JHY: variants seen among roughly 807,000 people sequenced by gnomAD.
The protein encoded by JHY is junctional cadherin complex regulator.
JHY carries 69 observed loss-of-function variants against 78.0 expected under a neutral mutation model. That is an observed-to-expected ratio of 0.88 (90% CI 0.73 to 1.08). The LOEUF (loss-of-function observed/expected upper bound fraction) is 1.08. Ranked by LOEUF, JHY falls within the 50% of genes least tolerant of loss-of-function variation. JHY has a pLI of 0.00. For synonymous variants in JHY, 368 were observed against 342.6 expected, an observed-to-expected ratio of 1.07 and a Z score of -0.82; for missense variants, 944 against 927.8, an observed-to-expected ratio of 1.02 and a Z score of -0.23.
At chr11:122,956,235 A>G (rs1864187566) in intron 6 of JHY, among the ~76,000 whole-genome samples, 1 of 152,222 alleles carries the variant, frequency 6.6e-6, no homozygotes. Context: ...TTGTAATTTC[A>G]GAATTTTAAG....
chr11:122,903,983 A>G lies in JHY; in HGVS notation c.403A>G (p.Lys135Glu). The G allele has an allele frequency of 6.2e-7, 1 of 1,613,828 alleles. No homozygotes were observed. The highest frequency in any genetic ancestry group is 8.5e-7 in the Non-Finnish European group (1 of 1,179,760). ...DLRYDPNWKSKKEEGQLLSVE... is the reference protein window; with the variant it reads ...DLRYDPNWKSEKEEGQLLSVE... The stretch of plus-strand genomic sequence containing the variant: ...CCGCTATGACCCGAACTGGAAGAGT[A>G]AGAAGGAGGAAGGGCAGCTGCTGTC... The change falls in exon 3 of 9, where the codon AAG (lysine) becomes GAG (glutamate). Residue 135 changes from lysine to glutamate, a missense_variant. By Grantham distance (56) the Lys-to-Glu change is moderately conservative. Transcript: ENST00000227349.
chr11:122,955,324 T>C (rs1864166160), intron 6 of JHY, among the ~76,000 whole-genome samples: 1 of 152,148 alleles, frequency 6.6e-6, no homozygotes, highest in South Asian at 2.1e-4. Context: ...TTTCACCATA[T>C]TGGCCAAGCT....
At chr11:122,899,460 A>G (rs1289221719) in intron 2 of JHY, among the ~76,000 whole-genome samples, 3 of 152,238 alleles carry the variant, frequency 2.0e-5, no homozygotes, top group Non-Finnish European at 4.4e-5. Flanking sequence ...GTCTAATGCA[A>G]GAAGCCTTTA....
At chr11:122,922,636 C>T (rs946703062) in intron 3 of JHY, among the ~76,000 whole-genome samples, 22 of 151,908 alleles carry the variant, frequency 1.4e-4, no homozygotes, top group Middle Eastern at 3.4e-3. Flanking sequence ...CGGTGAAACC[C>T]CGTCTCTACT....
At chr11:122,938,626 T>C (rs1249605720) in intron 5 of JHY, among the ~76,000 whole-genome samples, 1 of 152,188 alleles carries the variant, frequency 6.6e-6, no homozygotes, top group Non-Finnish European at 1.5e-5. Context: ...GTTTCTCTTC[T>C]CCTATTTTGC....
At chr11:122,888,202 G>T (rs879512727) in intron 2 of JHY, among the ~76,000 whole-genome samples, 18 of 152,204 alleles carry the variant, frequency 1.2e-4, no homozygotes, top group Admixed American at 1.2e-3. Context: ...AACCTTGATA[G>T]GACTAGGCTG....
chr11:122,903,592 C>T (rs1471532139), intron 2 of JHY, among the ~76,000 whole-genome samples: 1 of 152,162 alleles, frequency 6.6e-6, no homozygotes, highest in Non-Finnish European at 1.5e-5. Context: ...AATCCTCCCA[C>T]CTCAGCCTCC....
At chr11:122,893,826 G>A (rs1340223786) in intron 2 of JHY, among the ~76,000 whole-genome samples, 3 of 152,078 alleles carry the variant, frequency 2.0e-5, no homozygotes, top group Non-Finnish European at 4.4e-5. Context: ...AGAGCTGTTA[G>A]GGCTGTCAAA....
chr11:122,955,099 G>T (rs1864162013), intron 6 of JHY, among the ~76,000 whole-genome samples: 1 of 152,198 alleles, frequency 6.6e-6, no homozygotes, highest in South Asian at 2.1e-4. Flanking sequence ...GAAGTAGCGA[G>T]TCTAAACTTC....
chr11:122,953,488 GCTA>G (rs1864134213), intron 6 of JHY, among the ~76,000 whole-genome samples: 1 of 151,778 alleles, frequency 6.6e-6, no homozygotes, highest in African/African-American at 2.4e-5. Context: ...TGTAATCCCA[GCTA>G]CTTGGGAGGC....
At chr11:122,946,844 A>G in intron 6 of JHY, 52 bp downstream of exon 6, 1 of 1,540,802 alleles carries the variant, frequency 6.5e-7, no homozygotes, top group Non-Finnish European at 8.7e-7. Context: ...GAGAATACAG[A>G]TGGACCTTGA....
intron 3 of JHY, among the ~76,000 whole-genome samples, chr11:122,918,660 C>T (rs1412005285): frequency 6.6e-6 from 1 of 151,458 alleles, no homozygotes; most frequent in East Asian, 1.9e-4. Flanking sequence ...AAATAAACCA[C>T]ACATCTAACC....
At position 122,882,801 on chromosome 11, in the gene JHY, C is replaced by G. The variant is rs1013904461; in HGVS notation, c.-261C>G. 6.5e-6 allele frequency: 1 copy of G among 153,022 alleles called. No homozygotes were observed. The highest frequency in any genetic ancestry group is 1.9e-4 in the East Asian group (1 of 5,174). The allele number at this position is 153,022 out of a possible 1,614,324, so 9.5% of individuals were successfully genotyped here. On this transcript the variant is annotated 5_prime_UTR_variant, in exon 1 of 9. Transcript: ENST00000227349. ...CCGTGCCAGGGCCGGGGGTGCGGTT[C>G]GGGACGCGGGATCCTAGGTCGGGTC...
chr11:122,929,212 C>G (rs890366349), intron 4 of JHY, among the ~76,000 whole-genome samples: 9 of 151,898 alleles, frequency 5.9e-5, no homozygotes, highest in Admixed American at 4.6e-4. Flanking sequence ...CAGGTGTGAG[C>G]CACCACGCCT....
intron 5 of JHY, among the ~76,000 whole-genome samples, chr11:122,941,664 C>T (rs892257504): frequency 6.6e-6 from 1 of 152,050 alleles, no homozygotes; most frequent in South Asian, 2.1e-4. Flanking sequence ...CAGTTAAATT[C>T]ATTTGTTTTG....
chr11:122,934,951 G>C lies in JHY; in HGVS notation c.1510G>C (p.Val504Leu). The C allele has an allele frequency of 1.9e-6, 3 of 1,614,060 alleles. No individual in the cohort carries two copies. Among genetic ancestry groups the C allele is most frequent in the Non-Finnish European group, 2.5e-6 (3 of 1,180,020 alleles). ...CCTTAATGAACTTTCTAAGAGACAC[G>C]TGCTCCTGAGCCAGAAAGGCTCTCA... is the stretch of plus-strand genomic sequence containing the variant. ...NNLNELSKRH[V>L]LLSQKGSQFV... is the part of the protein sequence containing the mutation. The change falls in exon 5 of 9, where the codon GTG becomes CTG. Residue 504 changes from valine to leucine, a missense_variant. Val to Leu is a conservative substitution (Grantham distance 32, BLOSUM62 1). Transcript: ENST00000227349.
At chr11:122,904,499 T>G in intron 3 of JHY, 55 bp downstream of exon 3, 1 of 1,548,734 alleles carries the variant, frequency 6.5e-7, no homozygotes, top group East Asian at 2.3e-5. Context: ...GAATTTGCGT[T>G]TGTTTGCAGT....
At chr11:122,918,757 T>C (rs1159676224) in intron 3 of JHY, among the ~76,000 whole-genome samples, 1 of 151,412 alleles carries the variant, frequency 6.6e-6, no homozygotes, top group African/African-American at 2.5e-5. Flanking sequence ...GTCGTATTTA[T>C]TGACCATCTA....
Position 122,882,768 on chromosome 11 carries a change from T to G in JHY, c.-294T>G, listed in dbSNP as rs926535250. The G allele has an allele frequency of 2.6e-5, 4 of 152,890 alleles. No homozygotes were observed. Among genetic ancestry groups the G allele is most frequent in the African/African-American group, 9.6e-5 (4 of 41,466 alleles). The allele number at this position is 152,890 out of a possible 1,614,324, so 9.5% of individuals were successfully genotyped here. On this transcript the variant is annotated 5_prime_UTR_variant, in exon 1 of 9. Transcript: ENST00000227349. ...CCCCGATGTCGTTATTACGGCCGTT[T>G]GCAGCCTCCGTGCCAGGGCCGGGGG...
Sources: allele counts gnomAD v4.1 joint callset (sites outside exome capture counted in the v4.1 genomes callset), GRCh38; gene constraint gnomAD v4.1.1; transcripts MANE v1.5; gene names NCBI Gene and HGNC (gene_info 2026-07-23, HGNC 2026-07-21).